The following HTR7 variants were observed in gnomAD, a reference collection of about 807,000 sequenced individuals.
The protein encoded by HTR7 is 5-HT-7.
A neutral mutation model predicts 34.0 loss-of-function variants in HTR7; 16 were observed. The ratio of observed to expected loss-of-function variants is 0.47; its 90% CI spans 0.32 to 0.71. The LOEUF (loss-of-function observed/expected upper bound fraction) is 0.71. HTR7 is among the 30% of genes least tolerant of loss of function. The pLI is 0.04. For missense variants in HTR7, 504 were observed against 625.5 expected, an observed-to-expected ratio of 0.81 and a Z score of 2.07; for synonymous variants, 265 against 260.2, an observed-to-expected ratio of 1.02 and a Z score of -0.18.
chr10:90,807,712 T>C (rs903247546), intron 1 of HTR7, among the ~76,000 whole-genome samples: 5 of 152,192 alleles, frequency 3.3e-5, no homozygotes, highest in Non-Finnish European at 2.9e-5. Flanking sequence ...GCCTGTTTGG[T>C]GGTCTCTTCA....
At chr10:90,807,331 C>G (rs530240638) in intron 1 of HTR7, among the ~76,000 whole-genome samples, 119 of 152,326 alleles carry the variant, frequency 7.8e-4, no homozygotes, top group Non-Finnish European at 1.2e-3. Context: ...CATCCCCTGT[C>G]ACTTGCACGT....
chr10:90,742,429 T>G lies in HTR7; in HGVS notation c.*53A>C. 1 of 1,412,626 alleles carries G rather than the reference T, an allele frequency of 7.1e-7. No homozygotes were observed. Among genetic ancestry groups the G allele is most frequent in the Non-Finnish European group, 9.9e-7 (1 of 1,012,522 alleles). 87.5% of individuals were successfully genotyped at this position (1,412,626 alleles called of 1,614,324 possible). A position where few individuals can be genotyped will look rare whatever the true frequency, so the allele number is the denominator to read the frequency against. Reference sequence around the variant, plus strand: ...TCTGCAGACTCAGCAAATGACTTCCTTCTGTTTCCACCTCTATTTTGCCTT... The same window carrying G: ...TCTGCAGACTCAGCAAATGACTTCCGTCTGTTTCCACCTCTATTTTGCCTT... On this transcript the variant is annotated 3_prime_UTR_variant, in exon 4 of 4. Coordinates refer to ENST00000336152, the MANE Select transcript of HTR7 (RefSeq NM_019859.4).
chr10:90,836,436 A>G (rs1846253527), intron 1 of HTR7, among the ~76,000 whole-genome samples: 1 of 152,192 alleles, frequency 6.6e-6, no homozygotes, highest in South Asian at 2.1e-4. Flanking sequence ...AGTATTAATA[A>G]CAATGCTGCC....
intron 1 of HTR7, among the ~76,000 whole-genome samples, chr10:90,826,226 T>C (rs1215476561): frequency 6.6e-6 from 1 of 151,966 alleles, no homozygotes; most frequent in Admixed American, 6.6e-5. Flanking sequence ...AAAAAAAACT[T>C]TTACCCTAGA....
chr10:90,809,030 C>T (rs1453254453), intron 1 of HTR7, among the ~76,000 whole-genome samples: 1 of 152,160 alleles, frequency 6.6e-6, no homozygotes, highest in East Asian at 1.9e-4. Flanking sequence ...TTCCCTCCCG[C>T]CTGTCCCCTC....
intron 2 of HTR7, among the ~76,000 whole-genome samples, chr10:90,746,590 C>T (rs1229388294): frequency 6.6e-6 from 1 of 152,180 alleles, no homozygotes; most frequent in African/African-American, 2.4e-5. Context: ...AAAAATGCTG[C>T]AGCCAGGCAA....
intron 1 of HTR7, among the ~76,000 whole-genome samples, chr10:90,809,691 G>A (rs1216393935): frequency 1.3e-5 from 2 of 152,218 alleles, no homozygotes; most frequent in East Asian, 3.8e-4. Context: ...TCTGCCAGGA[G>A]CTTGCTACAA....
intron 1 of HTR7, among the ~76,000 whole-genome samples, chr10:90,790,921 C>A (rs2119880337): frequency 6.6e-6 from 1 of 152,182 alleles, no homozygotes; most frequent in East Asian, 1.9e-4. Flanking sequence ...CTTCCATAAA[C>A]AACAATTTCA....
chr10:90,749,433 C>A lies in HTR7; in HGVS notation c.701G>T (p.Ser234Ile), dbSNP rs1564668447. The A allele has an allele frequency of 6.2e-7, 1 of 1,614,162 alleles. No homozygotes were observed. The highest frequency in any genetic ancestry group is 8.5e-7 in the Non-Finnish European group (1 of 1,180,044). ...NVNDDKVCLISQDFGYTIYST... is the reference protein window; with the variant it reads ...NVNDDKVCLIIQDFGYTIYST... ...GTAAATCGTATAGCCAAAGTCCTGG[C>A]TGATCAAGCACACCTTATCATCATT... Residue 234 changes from serine to isoleucine, a missense_variant, in exon 2 of 4, where the codon AGC becomes ATC. Physicochemically the swap from Ser to Ile is moderately radical, Grantham distance 142. This residue lies in a region of HTR7 where 154 missense variants were observed against 248.8 expected (regional missense o/e 0.62). Transcript: ENST00000336152. The surrounding 1 kb of genome is among the most constrained non-coding windows in gnomAD (Gnocchi z 4.2).
intron 1 of HTR7, among the ~76,000 whole-genome samples, chr10:90,774,930 T>C (rs947489909): frequency 7.9e-5 from 12 of 152,252 alleles, no homozygotes; most frequent in Non-Finnish European, 1.8e-4. Context: ...ATATAAAATA[T>C]ACAAAATATA....
chr10:90,784,002 C>T (rs1845345863), intron 1 of HTR7, among the ~76,000 whole-genome samples: 2 of 152,162 alleles, frequency 1.3e-5, no homozygotes, highest in African/African-American at 4.8e-5. Context: ...AGCTACAATA[C>T]AATTATACAA....
chr10:90,782,202 G>C (rs1845315193), intron 1 of HTR7, among the ~76,000 whole-genome samples: 1 of 152,170 alleles, frequency 6.6e-6, no homozygotes, highest in Non-Finnish European at 1.5e-5. Context: ...TACGACACTG[G>C]CTGCTCTGCT....
chr10:90,749,393 T>C lies in HTR7; in HGVS notation c.741A>G (p.Ala247=). 6.2e-7 allele frequency: 1 copy of C among 1,614,130 alleles called. No homozygotes were observed. Among genetic ancestry groups the C allele is most frequent in the Non-Finnish European group, 8.5e-7 (1 of 1,180,020 alleles). Residue 247 remains alanine (A), a synonymous_variant, in exon 2 of 4, where the codon GCA becomes GCG. Coordinates refer to ENST00000336152, the MANE Select transcript of HTR7 (RefSeq NM_019859.4). The surrounding 1 kb of genome is among the most constrained non-coding windows in gnomAD (Gnocchi z 4.2). ...GCATGACGGACATGGGGATATAAAA[T>C]GCCACTGCGGTAGAGTAAATCGTAT... ...FGYTIYSTAV[A]FYIPMSVMLF...
intron 1 of HTR7, among the ~76,000 whole-genome samples, chr10:90,794,581 C>T (rs1845509986): frequency 6.6e-6 from 1 of 152,076 alleles, no homozygotes; most frequent in African/African-American, 2.4e-5. Flanking sequence ...ACAGCCTCAA[C>T]CTTCTGGGCT....
intron 1 of HTR7, among the ~76,000 whole-genome samples, chr10:90,764,627 ACTT>A (rs2119733550): frequency 6.6e-6 from 1 of 152,036 alleles, no homozygotes; most frequent in African/African-American, 2.4e-5. Flanking sequence ...AAACAATTTT[ACTT>A]CTTCTTTTCT....
At chr10:90,758,336 C>A (rs1191686353) in intron 1 of HTR7, among the ~76,000 whole-genome samples, 2 of 468 alleles carry the variant, frequency 4.3e-3, no homozygotes, top group Non-Finnish European at 0.013. Flanking sequence ...CAAAGCAAGG[C>A]TCTGTCTCAA....
intron 1 of HTR7, among the ~76,000 whole-genome samples, chr10:90,775,562 C>G (rs1286000914): frequency 6.6e-6 from 1 of 152,160 alleles, no homozygotes; most frequent in African/African-American, 2.4e-5. Flanking sequence ...GGTCAGAAGC[C>G]AAACCTCACA....
chr10:90,830,713 G>A (rs568492442), intron 1 of HTR7, among the ~76,000 whole-genome samples: 38 of 150,946 alleles, frequency 2.5e-4, no homozygotes, highest in Non-Finnish European at 4.0e-4. Context: ...GCTTAAGCCC[G>A]GGAGATGGAG....
chr10:90,808,378 G>C (rs967124503), intron 1 of HTR7, among the ~76,000 whole-genome samples: 8 of 151,780 alleles, frequency 5.3e-5, no homozygotes, highest in Non-Finnish European at 7.4e-5. Flanking sequence ...CGCCTTTCTG[G>C]GGGGCAAGAA....
Sources: gnomAD v4.1 joint callset for allele counts (sites outside exome capture counted in the v4.1 genomes callset) on GRCh38, gnomAD v4.1.1 for gene constraint, gnomAD v4.1.1 regional missense constraint, Gnocchi (gnomAD v3.1) non-coding constraint, MANE v1.5 for transcripts, NCBI Gene and HGNC (gene_info 2026-07-23, HGNC 2026-07-21) for gene names.